The following ANAPC1 variants were observed in gnomAD, a reference collection of about 807,000 sequenced individuals.
ANAPC1 encodes the protein anaphase-promoting complex subunit 1.
A neutral mutation model predicts 208.0 loss-of-function variants in ANAPC1; 36 were observed. The ratio of observed to expected loss-of-function variants is 0.17; its 90% CI spans 0.13 to 0.23. The LOEUF (loss-of-function observed/expected upper bound fraction) is 0.23. Among genes scored for constraint, ANAPC1 ranks in the 10% least tolerant of loss-of-function variants. The pLI is 1.00. For missense variants in ANAPC1, 942 were observed against 2,011.6 expected, an observed-to-expected ratio of 0.47 and a Z score of 10.17; for synonymous variants, 378 against 695.2, an observed-to-expected ratio of 0.54 and a Z score of 7.18.
chr2:111,784,504 A>G (rs1244319301), intron 40 of ANAPC1, 104 bp from the exon 41 acceptor site: 8 of 1,444,694 alleles, frequency 5.5e-6, no homozygotes, highest in Non-Finnish European at 5.8e-6. Flanking sequence ...CGCAGTTCAT[A>G]CAGAGACCTT....
chr2:111,848,972 C>T (rs1255823750), intron 14 of ANAPC1, among the ~76,000 whole-genome samples: 14 of 152,180 alleles, frequency 9.2e-5, no homozygotes, highest in East Asian at 1.9e-4. Flanking sequence ...AAAATTTAAA[C>T]GATCTTAGTT....
At chr2:111,844,118 G>A (rs1301026732) in intron 16 of ANAPC1, among the ~76,000 whole-genome samples, 3 of 151,900 alleles carry the variant, frequency 2.0e-5, no homozygotes, top group Non-Finnish European at 2.9e-5. Flanking sequence ...CACTGTGCCC[G>A]GCCAAGGACA....
intron 8 of ANAPC1, 41 bp from the exon 9 acceptor site, chr2:111,863,936 A>T (rs963052578): frequency 1.4e-5 from 21 of 1,517,642 alleles, no homozygotes; most frequent in Non-Finnish European, 1.8e-5. Flanking sequence ...AAAAAAAAAC[A>T]ATAATTAGAA....
intron 21 of ANAPC1, among the ~76,000 whole-genome samples, 162 bp from the exon 22 acceptor site, chr2:111,826,017 T>C (rs10190026): frequency 0.6 from 91,659 of 151,998 alleles, 28,138 homozygotes; most frequent in South Asian, 0.69. Context: ...GCTAGGACTA[T>C]AGGCACACAC....
chr2:111,842,376 G>C (rs1680810207), intron 17 of ANAPC1, among the ~76,000 whole-genome samples: 1 of 152,058 alleles, frequency 6.6e-6, no homozygotes. Context: ...AGGCGCAGTG[G>C]CTCACGCCTG....
intron 6 of ANAPC1, among the ~76,000 whole-genome samples, chr2:111,869,406 G>A (rs2104581791): frequency 6.6e-6 from 1 of 152,160 alleles, no homozygotes; most frequent in South Asian, 2.1e-4. Context: ...ACCACGCTTG[G>A]CTAATTTTTT....
intron 6 of ANAPC1, among the ~76,000 whole-genome samples, chr2:111,871,955 C>A (rs1230343049): frequency 6.6e-6 from 1 of 152,110 alleles, no homozygotes; most frequent in Non-Finnish European, 1.5e-5. Flanking sequence ...AGTATGACTT[C>A]CTCTTTTCAA....
Position 111,856,641 on chromosome 2 carries a change from G to C in ANAPC1, c.1488C>G (p.Asn496Lys), listed in dbSNP as rs774848078. Reference protein sequence around the residue: ...DTMLVLEGSGNLVLYTGVVRV... With the variant: ...DTMLVLEGSGKLVLYTGVVRV... ...GAACCACTCCTGTGTATAGCACCAG[G>C]TTTCCACTGCCTTCCAAGACCAGCA... The change falls in exon 13 of 48, where the codon AAC (asparagine) becomes AAG (lysine). Residue 496 changes from asparagine (N) to lysine (K), a missense_variant. Coordinates refer to ENST00000341068, the MANE Select transcript of ANAPC1 (RefSeq NM_022662.4). 1 of 1,613,896 alleles carries C rather than the reference G, an allele frequency of 6.2e-7. No homozygotes were observed. Among genetic ancestry groups the C allele is most frequent in the Non-Finnish European group, 8.5e-7 (1 of 1,179,856 alleles).
intron 16 of ANAPC1, among the ~76,000 whole-genome samples, chr2:111,844,494 G>A (rs1164680971): frequency 4.6e-5 from 7 of 151,374 alleles, no homozygotes; most frequent in Non-Finnish European, 8.8e-5. Flanking sequence ...GCCTGAACCC[G>A]GGAGGCAGAG....
intron 34 of ANAPC1, among the ~76,000 whole-genome samples, chr2:111,798,961 G>T (rs1304834587): frequency 1.9e-4 from 29 of 150,510 alleles, no homozygotes; most frequent in South Asian, 4.2e-4. Flanking sequence ...GTGAACCTGG[G>T]AGGCGGAGCT....
chr2:111,867,931 T>A, intron 7 of ANAPC1, 92 bp downstream of exon 7: 1 of 711,286 alleles, frequency 1.4e-6, no homozygotes, highest in Non-Finnish European at 2.3e-6. Context: ...ATTATTTTTA[T>A]AAGTCAGTTT....
intron 10 of ANAPC1, among the ~76,000 whole-genome samples, chr2:111,860,646 T>C (rs1322875927): frequency 6.6e-6 from 1 of 150,912 alleles, no homozygotes; most frequent in African/African-American, 2.5e-5. Flanking sequence ...ATTCTTGAAA[T>C]GTTCTTTTTT....
intron 34 of ANAPC1, among the ~76,000 whole-genome samples, chr2:111,799,106 T>C (rs1218204924): frequency 3.3e-5 from 5 of 150,006 alleles, no homozygotes; most frequent in African/African-American, 1.2e-4. Flanking sequence ...AACGCAGTAA[T>C]AAAAATACAA....
chr2:111,772,318 A>G (rs762491553), intron 47 of ANAPC1, 23 bp downstream of exon 47: 31 of 1,613,496 alleles, frequency 1.9e-5, no homozygotes, highest in Admixed American at 5.0e-5. Context: ...GTTACTGAAG[A>G]TAAGACTTAG....
At chr2:111,844,601 A>T (rs1201754108) in intron 16 of ANAPC1, among the ~76,000 whole-genome samples, 1 of 151,374 alleles carries the variant, frequency 6.6e-6, no homozygotes, top group Non-Finnish European at 1.5e-5. Context: ...TATGAAAAAC[A>T]TACAACTTCT....
intron 12 of ANAPC1, 26 bp from the exon 13 acceptor site, chr2:111,856,705 T>A (rs756198626): frequency 1.1e-5 from 17 of 1,613,432 alleles, no homozygotes; most frequent in Non-Finnish European, 1.4e-5. Context: ...AGACAAAAAA[T>A]TTATTTCCCA....
At position 111,854,994 on chromosome 2, in the gene ANAPC1, C is replaced by T. The variant is rs185233840; in HGVS notation, c.1515+1620G>A. On this transcript the variant is annotated intron_variant, in intron 13 of 47. Transcript: ENST00000341068. ...CAACCTATCTCAGCTTTCAACACGC[C>T]TTCCTCACTAAGCTTAATCATTTCT... Among the ~76,000 whole-genome samples, 288 of 152,318 alleles carry T rather than the reference C, an allele frequency of 1.9e-3. 1 individual carries two copies. The highest frequency in any genetic ancestry group is 3.9e-3 in the African/African-American group (161 of 41,572).
rs141372357 is a variant in ANAPC1 at position 111,773,754 on chromosome 2, G to C, written c.5585-1279C>G. Among the ~76,000 whole-genome samples the C allele has an allele frequency of 7.4e-3, 1,119 of 152,194 alleles. 8 individuals carry two copies. The highest frequency in any genetic ancestry group is 0.011 in the Admixed American group (174 of 15,300). On this transcript the variant is annotated intron_variant, in intron 46 of 47. Transcript: ENST00000341068. Reference sequence around the variant, plus strand: ...TATTCAATGGCCCCACAGTGAAAAGGAGCTCAGTGTTTTTGAGTAAGTGGA... The same window carrying C: ...TATTCAATGGCCCCACAGTGAAAAGCAGCTCAGTGTTTTTGAGTAAGTGGA...
intron 38 of ANAPC1, among the ~76,000 whole-genome samples, chr2:111,791,095 TAAATA>T (rs1455538421): frequency 6.6e-6 from 1 of 152,170 alleles, no homozygotes; most frequent in Non-Finnish European, 1.5e-5. Flanking sequence ...TTAAAATAGA[TAAATA>T]TAAAAACTGG....
Sources: allele counts gnomAD v4.1 joint callset (sites outside exome capture counted in the v4.1 genomes callset), GRCh38; gene constraint gnomAD v4.1.1; transcripts MANE v1.5; gene names NCBI Gene and HGNC (gene_info 2026-07-23, HGNC 2026-07-21).